PCDHGA1: variants seen among roughly 807,000 people sequenced by gnomAD.
The protein encoded by PCDHGA1 is protocadherin gamma subfamily A, 1.
PCDHGA1 carries 32 observed loss-of-function variants against 58.0 expected under a neutral mutation model. The observed-to-expected ratio is 0.55, with a 90% CI of 0.42 to 0.74. PCDHGA1 has a LOEUF of 0.74. PCDHGA1 is among the 30% of genes least tolerant of loss of function. PCDHGA1 has a pLI of 0.00. For synonymous variants in PCDHGA1, 498 were observed against 501.1 expected, an observed-to-expected ratio of 0.99 and a Z score of 0.08; for missense variants, 1,205 against 1,182.3, an observed-to-expected ratio of 1.02 and a Z score of -0.28.
rs34752215 is a variant in PCDHGA1 at position 141,427,657 on chromosome 5, A to C, written c.2422-67150A>C. The C allele has an allele frequency of 1.4e-3, 1,030 of 734,210 alleles. 5 individuals carry two copies. Among genetic ancestry groups the C allele is most frequent in the Middle Eastern group, 5.7e-3 (25 of 4,398 alleles). The allele number at this position is 734,210 out of a possible 1,614,324, so 45.5% of individuals were successfully genotyped here. On this transcript the variant is annotated intron_variant, in intron 1 of 3. Coordinates refer to ENST00000517417, the MANE Select transcript of PCDHGA1 (RefSeq NM_018912.3). The stretch of plus-strand genomic sequence containing the variant: ...TTCCACCAAGTCTCCTACGTGGTCC[A>C]CGTGGCCGAAAACAACCTTCCCGGA...
chr5:141,471,196 C>T (rs59385734), intron 1 of PCDHGA1: 16,293 of 151,632 alleles, frequency 0.11, 894 homozygotes, highest in South Asian at 0.15. Context: ...ATTACAGGCA[C>T]CCACCCCCAT....
chr5:141,478,767 C>T (rs953695562), intron 1 of PCDHGA1: 44 of 1,500,650 alleles, frequency 2.9e-5, no homozygotes, highest in Non-Finnish European at 3.9e-5. Context: ...ATACTTGACT[C>T]ATCTGTGGAC....
At chr5:141,365,346 A>C (rs2149875174) in intron 1 of PCDHGA1, 1 of 1,613,970 alleles carries the variant, frequency 6.2e-7, no homozygotes, top group East Asian at 2.2e-5. Flanking sequence ...ACAGTACAGG[A>C]CGTGAATGAC....
chr5:141,383,913 A>G, intron 1 of PCDHGA1: 1 of 1,613,990 alleles, frequency 6.2e-7, no homozygotes, highest in Non-Finnish European at 8.5e-7. Flanking sequence ...TCACAGTTTT[A>G]GATGTAAATG....
chr5:141,400,050 T>C (rs2093950243), intron 1 of PCDHGA1: 2 of 1,613,616 alleles, frequency 1.2e-6, no homozygotes, highest in Non-Finnish European at 1.7e-6. Flanking sequence ...TGCTGGTTGC[T>C]GTGCGTGATG....
chr5:141,459,295 A>C (rs571675117), intron 1 of PCDHGA1, among the ~76,000 whole-genome samples: 2 of 152,368 alleles, frequency 1.3e-5, no homozygotes, highest in South Asian at 4.1e-4. Context: ...ATGGAATCCT[A>C]TAACATATAC....
chr5:141,352,742 C>T, intron 1 of PCDHGA1: 1 of 1,466,892 alleles, frequency 6.8e-7, no homozygotes, highest in Non-Finnish European at 9.2e-7. Flanking sequence ...GTAATCCCAG[C>T]ACTTAACCAG....
At chr5:141,446,093 GA>G (rs1217618203) in intron 1 of PCDHGA1, among the ~76,000 whole-genome samples, 1 of 152,118 alleles carries the variant, frequency 6.6e-6, no homozygotes, top group Admixed American at 6.5e-5. Flanking sequence ...ATAAATGGAT[GA>G]ATTATAGATA....
chr5:141,370,895 G>A lies in PCDHGA1; in HGVS notation c.2421+37790G>A, dbSNP rs574834175. 79 of 1,614,032 alleles carry A rather than the reference G, an allele frequency of 4.9e-5. 1 individual carries two copies. In the East Asian group the frequency reaches 1.7e-3, roughly 34 times the overall value. On this transcript the variant is annotated intron_variant, in intron 1 of 3. Transcript: ENST00000517417. ...ATCCTGATGTAGGTGTCAATTCGCT[G>A]CAGCAGTACTACCTCAGCCCTGATC...
chr5:141,394,020 AG>A (rs745548616), intron 1 of PCDHGA1: 1 of 1,613,544 alleles, frequency 6.2e-7, no homozygotes, highest in Non-Finnish European at 8.5e-7. Flanking sequence ...TAATTATTAT[AG>A]ATTAGTGACA....
intron 1 of PCDHGA1, among the ~76,000 whole-genome samples, chr5:141,425,336 G>A (rs2096868804): frequency 6.6e-6 from 1 of 152,182 alleles, no homozygotes; most frequent in South Asian, 2.1e-4. Flanking sequence ...CAAAAAGGAA[G>A]GGTTGGCTTT....
intron 1 of PCDHGA1, chr5:141,340,868 C>A (rs747930597): frequency 6.2e-7 from 1 of 1,613,674 alleles, no homozygotes; most frequent in Admixed American, 1.7e-5. Context: ...GCGAGCCCTG[C>A]TGGACAGAGA....
chr5:141,370,383 G>A (rs1393783313), intron 1 of PCDHGA1: 1 of 1,533,714 alleles, frequency 6.5e-7, no homozygotes, highest in Non-Finnish European at 8.7e-7. Flanking sequence ...AGGCAAAGGC[G>A]CAGAGAGCGG....
chr5:141,485,172 CA>C lies in PCDHGA1; in HGVS notation c.2422-9633del. 6.2e-7 allele frequency: 1 copy of C among 1,610,166 alleles called. No individual in the cohort carries two copies. Among genetic ancestry groups the C allele is most frequent in the Non-Finnish European group, 8.5e-7 (1 of 1,176,940 alleles). On this transcript the variant is annotated intron_variant, in intron 1 of 3. Coordinates refer to ENST00000517417, the MANE Select transcript of PCDHGA1 (RefSeq NM_018912.3). The surrounding 1 kb of genome is among the most constrained non-coding windows in gnomAD (Gnocchi z 5.7). ...CAAGTAGAGAATTAGCGGGCGGCAG[CA>C]ATGCTCCGCAAGGTGAGAAGCTGGA...
intron 1 of PCDHGA1, among the ~76,000 whole-genome samples, chr5:141,347,770 G>A (rs978694292): frequency 1.2e-4 from 18 of 150,374 alleles, no homozygotes; most frequent in Non-Finnish European, 2.4e-4. Context: ...TGGGGCAATA[G>A]AGAGAGACTC....
chr5:141,401,189 A>G (rs2094126174), intron 1 of PCDHGA1, among the ~76,000 whole-genome samples: 1 of 152,144 alleles, frequency 6.6e-6, no homozygotes, highest in South Asian at 2.1e-4. Context: ...TAAAAATACA[A>G]AAATTAGCTG....
At chr5:141,375,665 C>A in intron 1 of PCDHGA1, 1 of 1,614,242 alleles carries the variant, frequency 6.2e-7, no homozygotes, top group Non-Finnish European at 8.5e-7. Flanking sequence ...GTTGAGAGAC[C>A]TACAGCTGTG....
At chr5:141,375,391 A>C in intron 1 of PCDHGA1, 1 of 1,613,938 alleles carries the variant, frequency 6.2e-7, no homozygotes, top group Non-Finnish European at 8.5e-7. Flanking sequence ...CTACAGAAAC[A>C]ATCATCTCTC....
chr5:141,374,853 TAGGCACACCAGTGTTG>T, intron 1 of PCDHGA1: 1 of 1,613,796 alleles, frequency 6.2e-7, no homozygotes, highest in Non-Finnish European at 8.5e-7. Context: ...AACCTGCCAG[TAGGCACACCAGTGTTG>T]GCAGTGACTG....
Sources: allele counts gnomAD v4.1 joint callset (sites outside exome capture counted in the v4.1 genomes callset), GRCh38; gene constraint gnomAD v4.1.1; non-coding constraint Gnocchi (gnomAD v3.1); transcripts MANE v1.5; gene names NCBI Gene and HGNC (gene_info 2026-07-23, HGNC 2026-07-21).